The following ADGB variants were observed in gnomAD, a reference collection of about 807,000 sequenced individuals.
ADGB encodes androglobin.
Under a neutral mutation model 210.5 loss-of-function variants are expected in ADGB, and 172 were observed. The observed-to-expected ratio is 0.82, with a 90% CI of 0.72 to 0.93. The LOEUF (loss-of-function observed/expected upper bound fraction) is 0.93. Ranked by LOEUF, ADGB falls within the 40% of genes least tolerant of loss-of-function variation. ADGB has a pLI of 0.00. For synonymous variants in ADGB, 658 were observed against 662.7 expected, an observed-to-expected ratio of 0.99 and a Z score of 0.11; for missense variants, 2,025 against 1,964.8, an observed-to-expected ratio of 1.03 and a Z score of -0.58.
chr6:146,727,177 CA>C (rs35167095), intron 19 of ADGB, among the ~76,000 whole-genome samples: 425 of 139,114 alleles, frequency 3.1e-3, no homozygotes, highest in Admixed American at 4.7e-3. Flanking sequence ...CCTTTCCTAC[CA>C]AAAAAAAAAA....
rs1654518268 is a variant in ADGB, at chr6:146,700,886, A to G, written c.1578-55A>G. On this transcript the variant is annotated intron_variant, in intron 12 of 35. Transcript: ENST00000397944. ...GACAAAAATGCAGTTATTTATTAAT[A>G]ACTTTAAACAGAAGATCAAAATAAC... 1.0e-5 allele frequency: 15 copies of G among 1,506,652 alleles called. 1 individual carries two copies. The highest frequency in any genetic ancestry group is 3.5e-4 in the Middle Eastern group (2 of 5,774). 93.3% of individuals were successfully genotyped at this position (1,506,652 alleles called of 1,614,324 possible). A position where few individuals can be genotyped will look rare whatever the true frequency, so the allele number is the denominator to read the frequency against.
rs569312808 is a variant in ADGB, at chr6:146,771,072, TGTC to T, written c.3862+1942_3862+1944del. On this transcript the variant is annotated intron_variant, in intron 29 of 35. Transcript: ENST00000397944. ...AGAACACAATTATTCTGTGAGTAAATGTCATATGAAAGCCGCAAATACCTTGCA... is the reference window on the plus strand; with the variant it reads ...AGAACACAATTATTCTGTGAGTAAATATATGAAAGCCGCAAATACCTTGCA... Among the ~76,000 whole-genome samples the T allele has an allele frequency of 3.5e-4, 53 of 152,148 alleles. No homozygotes were observed. In the South Asian group the frequency reaches 9.9e-3, roughly 29 times the overall value.
At chr6:146,783,744 C>T (rs987099034) in intron 30 of ADGB, among the ~76,000 whole-genome samples, 6 of 152,146 alleles carry the variant, frequency 3.9e-5, no homozygotes, top group Admixed American at 2.6e-4. Context: ...GACATAGCCT[C>T]GACCTTATGT....
At chr6:146,799,480 G>A (rs1404888967) in intron 33 of ADGB, among the ~76,000 whole-genome samples, 1 of 148,178 alleles carries the variant, frequency 6.7e-6, no homozygotes, top group African/African-American at 2.5e-5. Context: ...GTTGCAGTGA[G>A]CCAAGATCGC....
chr6:146,641,270 C>T (rs4895699), intron 2 of ADGB, among the ~76,000 whole-genome samples: 44,378 of 151,716 alleles, frequency 0.29, 7,467 homozygotes, highest in Admixed American at 0.4. Context: ...AATGGGAAAA[C>T]ATTCCATGCT....
chr6:146,631,350 A>T (rs976034065), intron 1 of ADGB, among the ~76,000 whole-genome samples: 2 of 152,150 alleles, frequency 1.3e-5, no homozygotes, highest in African/African-American at 4.8e-5. Context: ...ACCATTTTGT[A>T]AGGTGTCCTT....
chr6:146,798,787 GAC>G lies in ADGB; in HGVS notation c.4538-2394_4538-2393del, dbSNP rs1336411378. ...GATGAACAATCAAAATTGAAATTAA[GAC>G]AGTTTTATTCACAACAGCATCAATA... On this transcript the variant is annotated intron_variant, in intron 33 of 35. Coordinates refer to ENST00000397944, the MANE Select transcript of ADGB (RefSeq NM_024694.4). 1.3e-5 allele frequency among the ~76,000 whole-genome samples: 2 copies of G among 151,422 alleles called. 1 individual carries two copies. The highest frequency in any genetic ancestry group is 3.9e-4 in the East Asian group (2 of 5,174).
chr6:146,805,818 G>A (rs1778204359), intron 35 of ADGB, among the ~76,000 whole-genome samples: 1 of 152,074 alleles, frequency 6.6e-6, no homozygotes, highest in Admixed American at 6.5e-5. Context: ...GTGTAACCGT[G>A]CCTAGTCTTA....
chr6:146,615,045 C>T (rs542918693), intron 1 of ADGB, among the ~76,000 whole-genome samples: 13 of 151,888 alleles, frequency 8.6e-5, no homozygotes, highest in Admixed American at 2.6e-4. Flanking sequence ...GGACTACAGG[C>T]GCCCACCACC....
chr6:146,769,407 C>T (rs1459268232), intron 29 of ADGB, among the ~76,000 whole-genome samples: 1 of 151,980 alleles, frequency 6.6e-6, no homozygotes, highest in Non-Finnish European at 1.5e-5. Context: ...ATTGATTATA[C>T]TTTTGAACAT....
At chr6:146,703,151 T>C (rs1776516474) in intron 13 of ADGB, among the ~76,000 whole-genome samples, 1 of 151,954 alleles carries the variant, frequency 6.6e-6, no homozygotes, top group South Asian at 2.1e-4. Context: ...ATTTTACCAA[T>C]TCATAGATGT....
At chr6:146,785,041 A>T (rs1241412433) in intron 31 of ADGB, among the ~76,000 whole-genome samples, 1 of 152,150 alleles carries the variant, frequency 6.6e-6, no homozygotes, top group African/African-American at 2.4e-5. Context: ...GGCCCACACT[A>T]TGGGTTACCT....
At chr6:146,674,205 A>G (rs1776053717) in intron 8 of ADGB, among the ~76,000 whole-genome samples, 1 of 152,126 alleles carries the variant, frequency 6.6e-6, no homozygotes, top group Admixed American at 6.6e-5. Context: ...ATTGGAGGGG[A>G]GTAAGAAGGA....
intron 29 of ADGB, among the ~76,000 whole-genome samples, chr6:146,771,221 C>T (rs1777647268): frequency 3.3e-5 from 5 of 152,052 alleles, no homozygotes. Flanking sequence ...GTGTTTCCGG[C>T]CCAGTTCCCT....
rs147386737 is a variant in ADGB at position 146,775,695 on chromosome 6, A to T, written c.3863-6325A>T. 4.9e-3 allele frequency among the ~76,000 whole-genome samples: 751 copies of T among 152,280 alleles called. 2 individuals are homozygous for T. Among genetic ancestry groups the T allele is most frequent in the African/African-American group, 0.017 (707 of 41,576 alleles). Reference sequence around the variant, plus strand: ...CTCATTGAATTTTATTAGCAGTATTATAACACTATTCCTTTAACTCTAATT... The same window carrying T: ...CTCATTGAATTTTATTAGCAGTATTTTAACACTATTCCTTTAACTCTAATT... On this transcript the variant is annotated intron_variant, in intron 29 of 35. Transcript: ENST00000397944.
intron 27 of ADGB, among the ~76,000 whole-genome samples, chr6:146,760,393 T>C (rs144888712): frequency 1.3e-5 from 2 of 151,926 alleles, no homozygotes; most frequent in African/African-American, 4.8e-5. Flanking sequence ...TTGCTCAGCA[T>C]AATGTTTTTA....
At chr6:146,796,652 G>T (rs1457133406) in intron 33 of ADGB, among the ~76,000 whole-genome samples, 1 of 152,136 alleles carries the variant, frequency 6.6e-6, no homozygotes, top group Non-Finnish European at 1.5e-5. Flanking sequence ...GGGATAATTG[G>T]CAAGCCACAC....
intron 27 of ADGB, among the ~76,000 whole-genome samples, chr6:146,760,406 T>G (rs1292443177): frequency 6.6e-6 from 1 of 151,648 alleles, no homozygotes; most frequent in Non-Finnish European, 1.5e-5. Context: ...TGTTTTTAAG[T>G]TATATCCATG....
chr6:146,684,372 C>G (rs1467003656), intron 9 of ADGB, among the ~76,000 whole-genome samples: 1 of 151,982 alleles, frequency 6.6e-6, no homozygotes, highest in Non-Finnish European at 1.5e-5. Context: ...TCAGCTGACA[C>G]CTAAAGGCAT....
Sources: gnomAD v4.1 joint callset for allele counts (sites outside exome capture counted in the v4.1 genomes callset) on GRCh38, gnomAD v4.1.1 for gene constraint, MANE v1.5 for transcripts, NCBI Gene and HGNC (gene_info 2026-07-23, HGNC 2026-07-21) for gene names.